Variants in STRN observed in about 807,000 individuals in gnomAD.
STRN encodes striatin.
Under a neutral mutation model 96.3 loss-of-function variants are expected in STRN, and 53 were observed. The ratio of observed to expected loss-of-function variants is 0.55; its 90% confidence interval spans 0.44 to 0.69. The LOEUF (loss-of-function observed/expected upper bound fraction) is 0.69, where lower values mean the gene tolerates loss of function less well. Ranked by LOEUF, STRN falls within the 30% of genes least tolerant of loss-of-function variation. The probability of loss-of-function intolerance (pLI) is 0.00; values close to 1 mark genes in which losing one functional copy is unlikely to be tolerated. For missense variants in STRN, 987 were observed against 963.9 expected, an observed-to-expected ratio of 1.02 and a Z score of -0.32; for synonymous variants, 428 against 355.9, an observed-to-expected ratio of 1.20 and a Z score of -2.28.
rs1462183914 is a variant in STRN, at chr2:36,930,717, T to C, written c.235-5509A>G. 3.3e-5 allele frequency among the ~76,000 whole-genome samples: 5 copies of C among 151,362 alleles called. No individual in the cohort carries two copies. In the East Asian group the frequency reaches 9.7e-4, roughly 29 times the overall value. Reference sequence around the variant, plus strand: ...AAACAAAACAAAAAGCAGGAAACAGTCTGTTAAGGAGCAAGGAAAAGAACA... The same window carrying C: ...AAACAAAACAAAAAGCAGGAAACAGCCTGTTAAGGAGCAAGGAAAAGAACA... On this transcript the variant is annotated intron_variant, in intron 1 of 17. Coordinates refer to ENST00000263918, the MANE Select transcript of STRN (RefSeq NM_003162.4).
rs1665159582 is a variant in STRN, at chr2:36,966,267, T to C, written c.197A>G (p.Glu66Gly). 6.3e-7 allele frequency: 1 copy of C among 1,587,660 alleles called. No homozygotes were observed. Among genetic ancestry groups the C allele is most frequent in the Non-Finnish European group, 8.6e-7 (1 of 1,169,058 alleles). ...CCGCTCCACCTCCCACTGGGCTCTC[T>C]CCACCTCGAAGCGGGCCCACTCGTG... is the stretch of plus-strand genomic sequence containing the variant. ...LQHEWARFEV[E>G]RAQWEVERAE... The change falls in exon 1 of 18, where the codon GAG (glutamate) becomes GGG (glycine). Residue 66 changes from glutamate (E) to glycine (G), a missense_variant. By Grantham distance (98) the Glu-to-Gly change is moderately conservative. Transcript: ENST00000263918.
chr2:36,917,681 G>C (rs998144569), intron 2 of STRN, among the ~76,000 whole-genome samples: 1 of 151,946 alleles, frequency 6.6e-6, no homozygotes, highest in Non-Finnish European at 1.5e-5. Context: ...TAGACAGAGA[G>C]GAATTCTAAG....
At chr2:36,954,299 C>T (rs902854568) in intron 1 of STRN, among the ~76,000 whole-genome samples, 3 of 151,798 alleles carry the variant, frequency 2.0e-5, no homozygotes, top group Non-Finnish European at 4.4e-5. Flanking sequence ...TCACTTGAGG[C>T]CAGGAGTTCA....
intron 7 of STRN, among the ~76,000 whole-genome samples, chr2:36,889,394 A>T (rs945806163): frequency 6.6e-6 from 1 of 152,196 alleles, no homozygotes; most frequent in African/African-American, 2.4e-5. Flanking sequence ...CCAGAAAGAC[A>T]TAACAATTAA....
At position 36,877,921 on chromosome 2, in the gene STRN, C is replaced by G; in HGVS notation, c.1293G>C (p.Val431=). 6.2e-7 allele frequency: 1 copy of G among 1,614,132 alleles called. No homozygotes were observed. Among genetic ancestry groups the G allele is most frequent in the Non-Finnish European group, 8.5e-7 (1 of 1,180,014 alleles). The stretch of plus-strand genomic sequence containing the variant: ...AAGTTAGTGAGTCTGCTTCATTGGC[C>G]ACCGTAAGGCCTGCTAGTTCTCCAA... ...LGLGELAGLT[V]ANEADSLTYD... Residue 431 remains valine (V), a synonymous_variant, in exon 10 of 18, where the codon GTG becomes GTC. Coordinates refer to ENST00000263918, the MANE Select transcript of STRN (RefSeq NM_003162.4).
intron 16 of STRN, among the ~76,000 whole-genome samples, chr2:36,850,668 A>G (rs923339114): frequency 6.6e-6 from 1 of 152,192 alleles, no homozygotes; most frequent in African/African-American, 2.4e-5. Flanking sequence ...CTTTTCCCCA[A>G]TATATAATAC....
chr2:36,875,819 G>A (rs1299206465), intron 10 of STRN, among the ~76,000 whole-genome samples: 1 of 152,104 alleles, frequency 6.6e-6, no homozygotes, highest in African/African-American at 2.4e-5. Flanking sequence ...ACAATGCCCA[G>A]CTAATTTTTT....
chr2:36,879,374 A>C (rs1034538749), intron 9 of STRN, among the ~76,000 whole-genome samples: 1 of 152,190 alleles, frequency 6.6e-6, no homozygotes. Context: ...CCAGCGAGAA[A>C]ATTTTTTAAA....
intron 10 of STRN, among the ~76,000 whole-genome samples, chr2:36,875,805 C>T (rs1376112619): frequency 1.3e-5 from 2 of 151,916 alleles, no homozygotes; most frequent in Non-Finnish European, 1.5e-5. Context: ...TACAGGCACC[C>T]GCCACAATGC....
At position 36,861,258 on chromosome 2, in the gene STRN, G is replaced by A; in HGVS notation, c.1548-5C>T. 2.5e-6 allele frequency: 4 copies of A among 1,607,344 alleles called. No homozygotes were observed. The highest frequency in any genetic ancestry group is 3.4e-6 in the Non-Finnish European group (4 of 1,178,008). ...ACCACACAAAGCACTGGACCTCTGG[G>A]AGATTAAAAAAAATAAATCAACTGC... On this transcript the variant is annotated splice_polypyrimidine_tract_variant and splice_region_variant and intron_variant, in intron 12 of 17. Transcript: ENST00000263918.
At chr2:36,863,999 T>C (rs942750304) in intron 12 of STRN, among the ~76,000 whole-genome samples, 1 of 152,272 alleles carries the variant, frequency 6.6e-6, no homozygotes, top group Non-Finnish European at 1.5e-5. Flanking sequence ...TTTTCATACA[T>C]TGATTTTATA....
Position 36,849,308 on chromosome 2 carries a change from T to C in STRN, c.*148A>G, listed in dbSNP as rs948292296. On this transcript the variant is annotated 3_prime_UTR_variant, in exon 18 of 18. Coordinates refer to ENST00000263918, the MANE Select transcript of STRN (RefSeq NM_003162.4). Reference sequence around the variant, plus strand: ...TTAGTTTTAGAAAACAGTATATGAATTGCAAAACTATACTTCAACAAATGT... The same window carrying C: ...TTAGTTTTAGAAAACAGTATATGAACTGCAAAACTATACTTCAACAAATGT... 1.7e-5 allele frequency: 16 copies of C among 937,060 alleles called. No individual in the cohort carries two copies. Among genetic ancestry groups the C allele is most frequent in the East Asian group, 2.6e-5 (1 of 37,858 alleles). 58.0% of individuals were successfully genotyped at this position (937,060 alleles called of 1,614,324 possible).
chr2:36,948,266 TAATTTTTGTACTTTAGTAGAGAC>T (rs1473148865), intron 1 of STRN, among the ~76,000 whole-genome samples: 1 of 151,784 alleles, frequency 6.6e-6, no homozygotes, highest in Admixed American at 6.6e-5. Flanking sequence ...CACACCTAGC[TAATTTTTGTACTTTAGTAGAGAC>T]GGGTTTCACC....
rs190922650 is a variant in STRN, at chr2:36,884,920, T to C, written c.1043-845A>G. ...TATTTTTATCCTAAGTCTTTACTTGTTCCTAGATTGCTATTTTATCAAGAT... is the reference window on the plus strand; with the variant it reads ...TATTTTTATCCTAAGTCTTTACTTGCTCCTAGATTGCTATTTTATCAAGAT... On this transcript the variant is annotated intron_variant, in intron 8 of 17. Coordinates refer to ENST00000263918, the MANE Select transcript of STRN (RefSeq NM_003162.4). Among the ~76,000 whole-genome samples the C allele has an allele frequency of 1.1e-4, 16 of 152,276 alleles. 1 individual carries two copies. In the East Asian group the frequency reaches 3.1e-3, roughly 29 times the overall value.
chr2:36,904,721 G>A (rs926734111), intron 4 of STRN, among the ~76,000 whole-genome samples: 7 of 152,216 alleles, frequency 4.6e-5, no homozygotes, highest in African/African-American at 1.4e-4. Flanking sequence ...CCAGCTACCC[G>A]GGAGGCTGAC....
intron 1 of STRN, 47 bp downstream of exon 1, chr2:36,966,183 G>C (rs1216029947): frequency 6.1e-6 from 9 of 1,479,980 alleles, no homozygotes; most frequent in Non-Finnish European, 8.1e-6. Context: ...GGGGCGGAAG[G>C]GAGCAAAGAG....
chr2:36,849,569 A>G lies in STRN; in HGVS notation c.2230T>C (p.Phe744Leu). 1.9e-6 allele frequency: 3 copies of G among 1,614,158 alleles called. No individual in the cohort carries two copies. Among genetic ancestry groups the G allele is most frequent in the Non-Finnish European group, 2.5e-6 (3 of 1,180,000 alleles). Reference protein sequence around the residue: ...NLESKTCIQEFTAHRKKFEES... With the variant: ...NLESKTCIQELTAHRKKFEES... The stretch of plus-strand genomic sequence containing the variant: ...TCAAACTTTTTTCGATGAGCTGTGA[A>G]TTCTTGGATACACGTCTTACTTTCT... The change falls in exon 18 of 18, where the codon TTC becomes CTC. Residue 744 changes from phenylalanine (F) to leucine (L), a missense_variant. Physicochemically the swap from Phe to Leu is conservative, Grantham distance 22 (BLOSUM62 0). Coordinates refer to ENST00000263918, the MANE Select transcript of STRN (RefSeq NM_003162.4).
intron 1 of STRN, among the ~76,000 whole-genome samples, chr2:36,933,955 C>CA (rs1042148828): frequency 6.6e-5 from 10 of 151,958 alleles, no homozygotes; most frequent in African/African-American, 2.4e-4. Context: ...ACTAAAAATA[C>CA]AAAAAAATTA....
intron 14 of STRN, 98 bp from the exon 15 acceptor site, chr2:36,855,450 GAA>G: frequency 8.0e-7 from 1 of 1,251,972 alleles, no homozygotes; most frequent in Non-Finnish European, 1.1e-6. Flanking sequence ...GTTTCCTTAA[GAA>G]GTAAACAAGG....
Sources: gnomAD v4.1 joint callset for allele counts (sites outside exome capture counted in the v4.1 genomes callset) on GRCh38, gnomAD v4.1.1 for gene constraint, MANE v1.5 for transcripts, NCBI Gene and HGNC (gene_info 2026-07-23, HGNC 2026-07-21) for gene names.